Variants in CCDC7 observed in about 807,000 individuals in gnomAD.
CCDC7 encodes coiled-coil domain containing 7, also known as coiled-coil domain-containing protein 7.
Under a neutral mutation model 196.9 loss-of-function variants are expected in CCDC7, and 183 were observed. The ratio of observed to expected loss-of-function variants is 0.93; its 90% confidence interval spans 0.82 to 1.05. CCDC7 has a LOEUF of 1.05. Ranked by LOEUF, CCDC7 falls within the 50% of genes least tolerant of loss-of-function variation. The pLI, the probability that CCDC7 is intolerant of heterozygous loss-of-function variation, is 0.00. For missense variants in CCDC7, 1,540 were observed against 1,482.2 expected, an observed-to-expected ratio of 1.04 and a Z score of -0.64; for synonymous variants, 525 against 484.6, an observed-to-expected ratio of 1.08 and a Z score of -1.10.
rs746377850 is a variant in CCDC7, at chr10:32,845,624, C to T, written c.3518C>T (p.Pro1173Leu). ...ACCACGACACAATTAAAAAGTCACC[C>T]AGGTAAGAGAAAACAATTTCAAGAC... Residue 1173 changes from proline to leucine, a missense_variant and splice_region_variant, in exon 35 of 42, where the codon CCA (proline) becomes CTA (leucine). Physicochemically the swap from Pro to Leu is moderately conservative, Grantham distance 98. Coordinates refer to ENST00000639629, the Ensembl canonical transcript of CCDC7. The T allele has an allele frequency of 2.5e-6, 4 of 1,607,810 alleles. No homozygotes were observed. The South Asian group carries it at 4.4e-5, about 18-fold the overall frequency.
intron 11 of CCDC7, among the ~76,000 whole-genome samples, chr10:32,535,373 T>G (rs908187296): frequency 1.3e-5 from 2 of 152,078 alleles, no homozygotes; most frequent in Admixed American, 1.3e-4. Context: ...CAAATATGAG[T>G]GACCAAGGCA....
chr10:32,543,403 A>G lies in CCDC7; in HGVS notation c.1079+18A>G. The G allele has an allele frequency of 7.6e-7, 1 of 1,315,174 alleles. No individual in the cohort carries two copies. The highest frequency in any genetic ancestry group is 2.8e-5 in the East Asian group (1 of 36,300). 81.5% of individuals were successfully genotyped at this position (1,315,174 alleles called of 1,614,324 possible). On this transcript the variant is annotated intron_variant, in intron 12 of 41. Coordinates refer to ENST00000639629, the Ensembl canonical transcript of CCDC7. ...TCAGAAAAGTAAGACATAAAGATACATGTTAATCTTTTTTTCCTTGTTAAT... is the reference window on the plus strand; with the variant it reads ...TCAGAAAAGTAAGACATAAAGATACGTGTTAATCTTTTTTTCCTTGTTAAT...
chr10:32,746,892 A>T (rs1021879439), intron 28 of CCDC7, among the ~76,000 whole-genome samples: 6 of 152,164 alleles, frequency 3.9e-5, no homozygotes, highest in African/African-American at 1.4e-4. Context: ...ACCCCATAGC[A>T]CCACTGCTGG....
intron 20 of CCDC7, among the ~76,000 whole-genome samples, chr10:32,661,685 G>A (rs867241606): frequency 1.6e-4 from 24 of 152,152 alleles, no homozygotes; most frequent in Non-Finnish European, 2.6e-4. Flanking sequence ...AGGAACTAAG[G>A]CCTGGAACGG....
intron 32 of CCDC7, among the ~76,000 whole-genome samples, chr10:32,833,074 C>T (rs923830185): frequency 1.3e-5 from 2 of 151,976 alleles, no homozygotes; most frequent in African/African-American, 2.4e-5. Context: ...ACTTGTTCTT[C>T]TTTCTTTTCT....
chr10:32,826,619 T>C (rs542100407), intron 32 of CCDC7, among the ~76,000 whole-genome samples: 1 of 152,332 alleles, frequency 6.6e-6, no homozygotes, highest in Admixed American at 6.5e-5. Flanking sequence ...CCACCCTGCC[T>C]TCTCTCCCCA....
intron 9 of CCDC7, among the ~76,000 whole-genome samples, chr10:32,507,485 C>G (rs1430428362): frequency 6.6e-6 from 1 of 151,064 alleles, no homozygotes; most frequent in African/African-American, 2.4e-5. Context: ...GATTCTCACT[C>G]TGTTGCCCAG....
chr10:32,757,723 G>A (rs1329810346), intron 28 of CCDC7, among the ~76,000 whole-genome samples: 7 of 152,176 alleles, frequency 4.6e-5, no homozygotes, highest in South Asian at 2.1e-4. Flanking sequence ...ACATTCAAAA[G>A]CTAGCAGAAG....
chr10:32,705,973 T>C (rs1386776736), intron 24 of CCDC7, among the ~76,000 whole-genome samples: 1 of 152,180 alleles, frequency 6.6e-6, no homozygotes, highest in Non-Finnish European at 1.5e-5. Flanking sequence ...GCGGACCTAC[T>C]GGACATCTAC....
At chr10:32,724,287 T>G (rs1162301920) in intron 25 of CCDC7, among the ~76,000 whole-genome samples, 2 of 152,100 alleles carry the variant, frequency 1.3e-5, no homozygotes, top group African/African-American at 4.8e-5. Flanking sequence ...CCAAAAAATT[T>G]CCATGGGATC....
Position 32,633,636 on chromosome 10 carries a change from C to T in CCDC7, c.1802-618C>T, listed in dbSNP as rs868098061. Among the ~76,000 whole-genome samples, 13 of 147,336 alleles carry T rather than the reference C, an allele frequency of 8.8e-5. 1 individual carries two copies. The highest frequency in any genetic ancestry group is 3.6e-3 in the Middle Eastern group (1 of 274). On this transcript the variant is annotated intron_variant, in intron 18 of 41. Coordinates refer to ENST00000639629, the Ensembl canonical transcript of CCDC7. Reference sequence around the variant, plus strand: ...CTTTCCTCAGTAGGTTCACTTATTTCTTTGAGTTATAGTTTCCCTTTCTAA... The same window carrying T: ...CTTTCCTCAGTAGGTTCACTTATTTTTTTGAGTTATAGTTTCCCTTTCTAA...
At chr10:32,666,259 GATA>G (rs1283783372) in intron 21 of CCDC7, among the ~76,000 whole-genome samples, 1 of 151,288 alleles carries the variant, frequency 6.6e-6, no homozygotes, top group Non-Finnish European at 1.5e-5. Context: ...AGATTACAAA[GATA>G]ATAATATAAA....
rs1593707932 is a variant in CCDC7 at position 32,872,779 on chromosome 10, A to G, written c.4112-3568A>G. 2.0e-5 allele frequency among the ~76,000 whole-genome samples: 3 copies of G among 152,052 alleles called. No individual in the cohort carries two copies. The South Asian group carries it at 6.2e-4, about 32-fold the overall frequency. On this transcript the variant is annotated intron_variant, in intron 41 of 41. Coordinates refer to ENST00000639629, the Ensembl canonical transcript of CCDC7. ...CATTTGCTTGTCTGTAAAGGATTTT[A>G]TTTCTCCTTCACTTATGAAGCTTAG...
intron 18 of CCDC7, among the ~76,000 whole-genome samples, chr10:32,595,672 C>G (rs116546771): frequency 2.0e-5 from 3 of 152,100 alleles, no homozygotes; most frequent in East Asian, 1.9e-4. Flanking sequence ...TTTCTCTTGT[C>G]GGCATTTAGT....
intron 18 of CCDC7, among the ~76,000 whole-genome samples, chr10:32,617,082 G>A (rs2062861823): frequency 6.6e-6 from 1 of 151,826 alleles, no homozygotes; most frequent in Non-Finnish European, 1.5e-5. Flanking sequence ...TGAGTGTAGA[G>A]TTGTTGATAA....
intron 41 of CCDC7, among the ~76,000 whole-genome samples, chr10:32,862,598 G>C (rs887002784): frequency 6.6e-6 from 1 of 151,060 alleles, no homozygotes; most frequent in African/African-American, 2.4e-5. Context: ...AATCAACAGA[G>C]AACACCTTAA....
chr10:32,870,245 C>T (rs2094378605), intron 41 of CCDC7, among the ~76,000 whole-genome samples: 1 of 152,114 alleles, frequency 6.6e-6, no homozygotes, highest in Admixed American at 6.6e-5. Context: ...GAATGTTCTT[C>T]CATTTGTTTG....
At chr10:32,819,020 C>A (rs1166742664) in intron 31 of CCDC7, among the ~76,000 whole-genome samples, 1 of 152,098 alleles carries the variant, frequency 6.6e-6, no homozygotes, top group African/African-American at 2.4e-5. Context: ...ATCAATGAAT[C>A]CAGGAGCTGG....
intron 28 of CCDC7, among the ~76,000 whole-genome samples, chr10:32,743,569 A>G (rs2074157570): frequency 6.6e-6 from 1 of 152,246 alleles, no homozygotes; most frequent in Non-Finnish European, 1.5e-5. Context: ...TCCATTGTGG[A>G]AGACAGTGTG....
Sources: gnomAD v4.1 joint callset for allele counts (sites outside exome capture counted in the v4.1 genomes callset) on GRCh38, gnomAD v4.1.1 for gene constraint, MANE v1.5 for transcripts, NCBI Gene and HGNC (gene_info 2026-07-23, HGNC 2026-07-21) for gene names.